Variants in TBC1D15 observed in about 807,000 individuals in gnomAD.
TBC1D15 encodes GAP for RAB7.
TBC1D15 carries 39 observed loss-of-function variants against 95.4 expected under a neutral mutation model. The ratio of observed to expected loss-of-function variants is 0.41; its 90% CI spans 0.32 to 0.53. The LOEUF (loss-of-function observed/expected upper bound fraction) is 0.53. TBC1D15 is among the 20% of genes least tolerant of loss of function. TBC1D15 has a pLI of 0.29. For synonymous variants in TBC1D15, 258 were observed against 261.3 expected (o/e 0.99, Z 0.12); for missense variants, 733 against 794.3 (o/e 0.92, Z 0.93).
chr12:71,879,135 C>CTCTT (rs1407723099), intron 3 of TBC1D15, among the ~76,000 whole-genome samples: 3 of 144,612 alleles, frequency 2.1e-5, no homozygotes, highest in African/African-American at 7.6e-5. Flanking sequence ...CTCTCTCTCT[C>CTCTT]TTTTTTTTTT....
At chr12:71,896,242 C>A in intron 8 of TBC1D15, 167 bp downstream of exon 8, 1 of 566,284 alleles carries the variant, frequency 1.8e-6, no homozygotes, top group Non-Finnish European at 2.9e-6. Flanking sequence ...TGAATGATGC[C>A]TTAAAATTCC....
chr12:71,918,363 A>T lies in TBC1D15; in HGVS notation c.1502-88A>T, dbSNP rs1010131249. The T allele has an allele frequency of 2.6e-5, 21 of 793,618 alleles. 1 individual carries two copies. In the Middle Eastern group the frequency reaches 1.4e-3, roughly 54 times the overall value. The allele number at this position is 793,618 out of a possible 1,614,324, so 49.2% of individuals were successfully genotyped here. A position where few individuals can be genotyped will look rare whatever the true frequency, so the allele number is the denominator to read the frequency against. ...TGTATAGGGCCTTGAATTGCCTAAG[A>T]TGCATAGGAAAGTTAGAGAAAAGTA... is the stretch of plus-strand genomic sequence containing the variant. On this transcript the variant is annotated intron_variant, in intron 13 of 16. Coordinates refer to ENST00000485960, the MANE Select transcript of TBC1D15 (RefSeq NM_001146213.3).
chr12:71,853,504 A>G (rs1888337710), intron 1 of TBC1D15, among the ~76,000 whole-genome samples: 3 of 152,198 alleles, frequency 2.0e-5, no homozygotes, highest in South Asian at 2.1e-4. Flanking sequence ...TAGACTTAAA[A>G]TAATACTTTA....
At position 71,880,483 on chromosome 12, in the gene TBC1D15, T is replaced by C; in HGVS notation, c.219T>C (p.Val73=). The C allele has an allele frequency of 6.3e-7, 1 of 1,597,698 alleles. No homozygotes were observed. Among genetic ancestry groups the C allele is most frequent in the Non-Finnish European group, 8.5e-7 (1 of 1,170,920 alleles). ...ILYARKDSSS[V]VEWTQAPKER... ...AATTATTTTAGGACTCCAGTTCAGT[T>C]GTAGAATGGACTCAGGCCCCAAAAG... Residue 73 remains valine, a synonymous_variant, in exon 4 of 17, where the codon GTT becomes GTC. Coordinates refer to ENST00000485960, the MANE Select transcript of TBC1D15 (RefSeq NM_001146213.3).
intron 3 of TBC1D15, among the ~76,000 whole-genome samples, chr12:71,879,070 C>A (rs1335566113): frequency 6.6e-6 from 1 of 151,604 alleles, no homozygotes; most frequent in Non-Finnish European, 1.5e-5. Flanking sequence ...TGCAAAAGTT[C>A]AAGTAATAGA....
intron 1 of TBC1D15, among the ~76,000 whole-genome samples, chr12:71,840,171 G>A (rs1196352738): frequency 6.6e-6 from 1 of 152,072 alleles, no homozygotes; most frequent in Non-Finnish European, 1.5e-5. Flanking sequence ...TGACTCCAGC[G>A]TCTTTTCTCT....
At chr12:71,874,769 C>T (rs1893432560) in intron 3 of TBC1D15, among the ~76,000 whole-genome samples, 2 of 151,148 alleles carry the variant, frequency 1.3e-5, no homozygotes, top group African/African-American at 2.4e-5. Flanking sequence ...ATTACAGGTT[C>T]CTGCCACCAT....
At chr12:71,891,317 A>G (rs943740562) in intron 5 of TBC1D15, among the ~76,000 whole-genome samples, 6 of 152,194 alleles carry the variant, frequency 3.9e-5, no homozygotes, top group Middle Eastern at 3.2e-3. Flanking sequence ...TAGTTGTGAT[A>G]CTAGACTATA....
At chr12:71,886,632 G>T (rs150145123) in intron 5 of TBC1D15, among the ~76,000 whole-genome samples, 16 of 152,300 alleles carry the variant, frequency 1.1e-4, no homozygotes, top group Non-Finnish European at 2.1e-4. Flanking sequence ...ATTCTCCCCT[G>T]CCATGTTAAT....
Position 71,849,759 on chromosome 12 carries a change from C to G in TBC1D15, c.30+9948C>G, listed in dbSNP as rs1416444844. 28 of 555,908 alleles carry G rather than the reference C, an allele frequency of 5.0e-5. No individual in the cohort carries two copies. The Admixed American group carries it at 5.4e-4, about 11-fold the overall frequency. The allele number at this position is 555,908 out of a possible 1,614,324, so 34.4% of individuals were successfully genotyped here. On this transcript the variant is annotated intron_variant, in intron 1 of 16. Transcript: ENST00000485960. The stretch of plus-strand genomic sequence containing the variant: ...TTTTGATAGAGCTCTTCTAGCAACT[C>G]TTTCTCATCCAGGATCTCCAAAATT...
chr12:71,922,812 G>A (rs1312921270), intron 16 of TBC1D15, among the ~76,000 whole-genome samples, 171 bp from the exon 17 acceptor site: 2 of 152,186 alleles, frequency 1.3e-5, no homozygotes, highest in African/African-American at 4.8e-5. Flanking sequence ...AAGGTGGTTA[G>A]CATTTCATTT....
intron 3 of TBC1D15, among the ~76,000 whole-genome samples, chr12:71,876,772 TA>T (rs1427609757): frequency 1.3e-5 from 2 of 151,434 alleles, no homozygotes; most frequent in Non-Finnish European, 2.9e-5. Flanking sequence ...AGTTTGAAAG[TA>T]AATTTTCCCG....
chr12:71,846,427 A>G (rs531996126), intron 1 of TBC1D15, among the ~76,000 whole-genome samples: 3 of 152,354 alleles, frequency 2.0e-5, no homozygotes, highest in African/African-American at 7.2e-5. Flanking sequence ...CCAGGTACAG[A>G]CAAGCAAGGA....
chr12:71,841,649 C>T (rs1303250159), intron 1 of TBC1D15, among the ~76,000 whole-genome samples: 1 of 152,146 alleles, frequency 6.6e-6, no homozygotes, highest in African/African-American at 2.4e-5. Flanking sequence ...AAATTTACTG[C>T]ATCTTCTTTA....
intron 1 of TBC1D15, among the ~76,000 whole-genome samples, chr12:71,844,044 C>G (rs931004451): frequency 8.5e-5 from 13 of 152,184 alleles, no homozygotes; most frequent in African/African-American, 2.9e-4. Flanking sequence ...TTGTCCTTGA[C>G]TGTTCTCCCC....
At chr12:71,892,614 CAT>C (rs1341542371) in intron 5 of TBC1D15, among the ~76,000 whole-genome samples, 2 of 151,810 alleles carry the variant, frequency 1.3e-5, no homozygotes, top group East Asian at 1.9e-4. Context: ...GAACTAAAAA[CAT>C]AGTATTACCC....
chr12:71,877,025 G>T (rs1196379679), intron 3 of TBC1D15, among the ~76,000 whole-genome samples: 1 of 151,928 alleles, frequency 6.6e-6, no homozygotes, highest in East Asian at 1.9e-4. Context: ...TGGCCAGGCT[G>T]GTCTCGAATC....
chr12:71,857,858 C>G (rs1889450142), intron 1 of TBC1D15, among the ~76,000 whole-genome samples: 1 of 152,324 alleles, frequency 6.6e-6, no homozygotes, highest in Non-Finnish European at 1.5e-5. Context: ...CACAACCCTT[C>G]TCTGCCTGTG....
At chr12:71,916,391 C>G (rs988472325) in intron 12 of TBC1D15, among the ~76,000 whole-genome samples, 1 of 152,116 alleles carries the variant, frequency 6.6e-6, no homozygotes, top group African/African-American at 2.4e-5. Context: ...AAAAATGATC[C>G]TGTTAATCAG....
Sources: gnomAD v4.1 joint callset for allele counts (sites outside exome capture counted in the v4.1 genomes callset) on GRCh38, gnomAD v4.1.1 for gene constraint, MANE v1.5 for transcripts, NCBI Gene and HGNC (gene_info 2026-07-23, HGNC 2026-07-21) for gene names.